Variants in CSGALNACT1 observed in about 807,000 individuals in gnomAD.
CSGALNACT1 encodes the protein beta4GalNAcT-1.
Under a neutral mutation model 51.0 loss-of-function variants are expected in CSGALNACT1, and 52 were observed. That is an observed-to-expected ratio of 1.02 (90% CI 0.82 to 1.29). CSGALNACT1 has a LOEUF of 1.29. Ranked by LOEUF, CSGALNACT1 falls within the 50% of genes most tolerant of loss-of-function variation. CSGALNACT1 has a pLI of 0.00. For missense variants in CSGALNACT1, 935 were observed against 679.2 expected, an observed-to-expected ratio of 1.38 and a Z score of -4.19; for synonymous variants, 341 against 254.4, an observed-to-expected ratio of 1.34 and a Z score of -3.24.
At chr8:19,696,220 A>G (rs2061575285) in intron 1 of CSGALNACT1, among the ~76,000 whole-genome samples, 1 of 152,228 alleles carries the variant, frequency 6.6e-6, no homozygotes, top group Non-Finnish European at 1.5e-5. Context: ...GACAATGTGA[A>G]AAAGATTCTG....
chr8:19,566,134 T>A (rs1425983452), intron 3 of CSGALNACT1, among the ~76,000 whole-genome samples: 3 of 152,218 alleles, frequency 2.0e-5, no homozygotes, highest in Admixed American at 6.5e-5. Context: ...AAAGATATAA[T>A]AGAGTTCATT....
intron 4 of CSGALNACT1, among the ~76,000 whole-genome samples, chr8:19,476,767 C>T (rs2153893868): frequency 6.6e-6 from 1 of 152,278 alleles, no homozygotes; most frequent in South Asian, 2.1e-4. Flanking sequence ...ACAACATGGA[C>T]AGGATACACA....
chr8:19,518,488 A>G (rs1012013849), intron 3 of CSGALNACT1, among the ~76,000 whole-genome samples: 2 of 152,202 alleles, frequency 1.3e-5, no homozygotes, highest in Non-Finnish European at 1.5e-5. Flanking sequence ...TGTAAACATC[A>G]TACCTGATCA....
At chr8:19,551,716 T>G (rs1229169628) in intron 3 of CSGALNACT1, among the ~76,000 whole-genome samples, 13 of 151,988 alleles carry the variant, frequency 8.6e-5, no homozygotes, top group Admixed American at 5.2e-4. Context: ...CTTCTGCTAA[T>G]CCAATTCCCA....
chr8:19,646,651 G>A (rs1386975472), intron 1 of CSGALNACT1, among the ~76,000 whole-genome samples: 4 of 152,140 alleles, frequency 2.6e-5, no homozygotes, highest in Admixed American at 1.3e-4. Context: ...ATGAATCTCA[G>A]TGTTGCCCCC....
chr8:19,429,590 T>C (rs775239859), intron 6 of CSGALNACT1, among the ~76,000 whole-genome samples: 2 of 152,256 alleles, frequency 1.3e-5, no homozygotes, highest in African/African-American at 4.8e-5. Flanking sequence ...AATATTCCAT[T>C]GTGTGCTTAT....
chr8:19,732,191 T>C (rs141811069), intron 1 of CSGALNACT1, among the ~76,000 whole-genome samples: 214 of 152,332 alleles, frequency 1.4e-3, no homozygotes, highest in African/African-American at 4.8e-3. Context: ...TAAACTAGCA[T>C]AACGGTTGTG....
intron 3 of CSGALNACT1, among the ~76,000 whole-genome samples, chr8:19,545,172 C>G (rs934874517): frequency 6.6e-6 from 1 of 152,120 alleles, no homozygotes; most frequent in Non-Finnish European, 1.5e-5. Context: ...CTGGACTTGA[C>G]CCAGTCTTGC....
chr8:19,756,310 C>G (rs1037730237), intron 1 of CSGALNACT1, among the ~76,000 whole-genome samples: 5 of 152,026 alleles, frequency 3.3e-5, no homozygotes, highest in African/African-American at 4.8e-5. Context: ...TGCACCAAGG[C>G]TTTGAAACCA....
chr8:19,743,120 T>A lies in CSGALNACT1; in HGVS notation c.-297+14730A>T, dbSNP rs971445875. On this transcript the variant is annotated intron_variant, in intron 1 of 1. Transcript: ENST00000517494. ...CACACACGCTGATTTCCATAATGCA[T>A]AAATGGAAAGGAACACTGTTGCTAT... 3.9e-5 allele frequency among the ~76,000 whole-genome samples: 6 copies of A among 152,296 alleles called. No individual in the cohort carries two copies. The South Asian group carries it at 1.2e-3, about 32-fold the overall frequency.
intron 1 of CSGALNACT1, among the ~76,000 whole-genome samples, chr8:19,680,926 A>G (rs927049363): frequency 1.3e-5 from 2 of 152,098 alleles, no homozygotes; most frequent in African/African-American, 4.8e-5. Flanking sequence ...CATATGCCCC[A>G]TTATCTTATG....
chr8:19,646,921 C>G (rs905153121), intron 1 of CSGALNACT1, among the ~76,000 whole-genome samples: 7 of 151,590 alleles, frequency 4.6e-5, no homozygotes, highest in Non-Finnish European at 7.4e-5. Flanking sequence ...TAACAACAAT[C>G]CTGAATAAAT....
At chr8:19,674,149 C>T (rs966587713) in intron 1 of CSGALNACT1, among the ~76,000 whole-genome samples, 2 of 152,112 alleles carry the variant, frequency 1.3e-5, no homozygotes, top group African/African-American at 4.8e-5. Flanking sequence ...AAGAATTAGC[C>T]AGGTGTGGTG....
Position 19,642,440 on chromosome 8 carries a change from T to C in CSGALNACT1, c.-544+40033A>G, listed in dbSNP as rs545224475. ...AATAGCACAGAAACAGACCCTAAGC[T>C]ATAAAAGACATTAATACATGATGAA... is the stretch of plus-strand genomic sequence containing the variant. On this transcript the variant is annotated intron_variant, in intron 1 of 9. Coordinates refer to the CSGALNACT1 transcript ENST00000332246. 4.6e-5 allele frequency among the ~76,000 whole-genome samples: 7 copies of C among 152,178 alleles called. No homozygotes were observed. The South Asian group carries it at 1.5e-3, about 32-fold the overall frequency.
intron 4 of CSGALNACT1, among the ~76,000 whole-genome samples, chr8:19,496,367 C>G (rs891866958): frequency 6.6e-6 from 1 of 152,170 alleles, no homozygotes; most frequent in African/African-American, 2.4e-5. Context: ...AACATTCCCA[C>G]TCATGAGTAA....
chr8:19,449,200 T>A (rs181370815), intron 5 of CSGALNACT1, among the ~76,000 whole-genome samples: 1 of 152,158 alleles, frequency 6.6e-6, no homozygotes, highest in Admixed American at 6.5e-5. Context: ...TGTTCATACA[T>A]AACCCCTGGC....
chr8:19,471,129 G>GGA (rs759860876), intron 4 of CSGALNACT1, among the ~76,000 whole-genome samples: 6 of 151,652 alleles, frequency 4.0e-5, no homozygotes, highest in African/African-American at 7.3e-5. Flanking sequence ...GAGAGAGAGG[G>GGA]GAGAGAGAGA....
chr8:19,671,076 T>C (rs760977681), intron 1 of CSGALNACT1, among the ~76,000 whole-genome samples: 3 of 152,176 alleles, frequency 2.0e-5, no homozygotes, highest in African/African-American at 7.2e-5. Context: ...GACTTGGAGA[T>C]GGTTATTACC....
chr8:19,747,315 A>G (rs1441834860), intron 1 of CSGALNACT1, among the ~76,000 whole-genome samples: 1 of 152,160 alleles, frequency 6.6e-6, no homozygotes, highest in Non-Finnish European at 1.5e-5. Context: ...AAACGTGAAG[A>G]TACTGGTTCT....
Sources: gnomAD v4.1 joint callset for allele counts (sites outside exome capture counted in the v4.1 genomes callset) on GRCh38, gnomAD v4.1.1 for gene constraint, MANE v1.5 for transcripts, NCBI Gene and HGNC (gene_info 2026-07-23, HGNC 2026-07-21) for gene names.